The following DCC variants were observed in gnomAD, a reference collection of about 807,000 sequenced individuals.
DCC encodes DCC netrin 1 receptor, also known as netrin receptor DCC.
A neutral mutation model predicts 172.5 loss-of-function variants in DCC; 58 were observed. The ratio of observed to expected loss-of-function variants is 0.34; its 90% CI spans 0.27 to 0.42. DCC has a LOEUF of 0.42. DCC is among the 10% of genes least tolerant of loss of function. The pLI is 1.00. For synonymous variants in DCC, 709 were observed against 644.5 expected (o/e 1.10, Z -1.52); for missense variants, 1,740 against 1,791.0 (o/e 0.97, Z 0.51).
chr18:53,524,894 G>A (rs2046438175), intron 27 of DCC, among the ~76,000 whole-genome samples: 1 of 151,800 alleles, frequency 6.6e-6, no homozygotes, highest in South Asian at 2.1e-4. Context: ...TCTTTATTTT[G>A]GCACCCCCAT....
intron 1 of DCC, among the ~76,000 whole-genome samples, chr18:52,418,065 C>A (rs1987107177): frequency 6.6e-6 from 1 of 152,174 alleles, no homozygotes; most frequent in Non-Finnish European, 1.5e-5. Flanking sequence ...AAATTTTGTT[C>A]TTTAGTTCAC....
intron 1 of DCC, among the ~76,000 whole-genome samples, chr18:52,730,237 G>A (rs2145092674): frequency 6.6e-6 from 1 of 152,244 alleles, no homozygotes; most frequent in South Asian, 2.1e-4. Context: ...CAACTGGAGA[G>A]GGAGAAGGGA....
intron 1 of DCC, among the ~76,000 whole-genome samples, chr18:52,496,349 G>A (rs4940186): frequency 0.057 from 8,724 of 152,042 alleles, 311 homozygotes; most frequent in South Asian, 0.12. Flanking sequence ...CATGAGCATC[G>A]GGACAATGTA....
intron 1 of DCC, among the ~76,000 whole-genome samples, chr18:52,351,824 G>A (rs941934721): frequency 2.0e-5 from 3 of 151,956 alleles, no homozygotes; most frequent in African/African-American, 4.8e-5. Context: ...AAACATAAAC[G>A]AATGTTCTCT....
intron 1 of DCC, among the ~76,000 whole-genome samples, chr18:52,636,133 A>G (rs1048450004): frequency 2.0e-5 from 3 of 152,172 alleles, no homozygotes; most frequent in Admixed American, 2.0e-4. Context: ...CCTGGAGCTG[A>G]GTCAATTAGG....
chr18:52,916,514 T>A (rs534258253), intron 3 of DCC, among the ~76,000 whole-genome samples: 43 of 152,294 alleles, frequency 2.8e-4, no homozygotes, highest in Non-Finnish European at 5.0e-4. Context: ...GTTTCAACAT[T>A]TGGAAGATGT....
At chr18:52,683,432 A>G (rs1252890023) in intron 1 of DCC, among the ~76,000 whole-genome samples, 1 of 152,130 alleles carries the variant, frequency 6.6e-6, no homozygotes, top group East Asian at 1.9e-4. Context: ...CACAGGGACA[A>G]TACGAAGGAA....
At chr18:52,984,762 C>A (rs1398271144) in intron 5 of DCC, among the ~76,000 whole-genome samples, 1 of 152,076 alleles carries the variant, frequency 6.6e-6, no homozygotes, top group Non-Finnish European at 1.5e-5. Flanking sequence ...GAGCTAAGTA[C>A]TATAATTGGA....
chr18:52,821,084 C>T (rs2038397118), intron 2 of DCC, among the ~76,000 whole-genome samples: 1 of 152,170 alleles, frequency 6.6e-6, no homozygotes, highest in Admixed American at 6.5e-5. Context: ...AACTCTAATA[C>T]TCTTTCTTCT....
intron 7 of DCC, among the ~76,000 whole-genome samples, chr18:53,107,797 A>G (rs1466310443): frequency 6.6e-6 from 1 of 151,906 alleles, no homozygotes; most frequent in Non-Finnish European, 1.5e-5. Context: ...CTAGACTTAG[A>G]GGACAATAAT....
chr18:52,770,153 C>A (rs1460256788), intron 2 of DCC, among the ~76,000 whole-genome samples: 4 of 152,198 alleles, frequency 2.6e-5, no homozygotes, highest in Non-Finnish European at 5.9e-5. Context: ...GCCATCCCTT[C>A]TCTCTCTTTT....
At chr18:53,014,440 T>G (rs1338995087) in intron 5 of DCC, among the ~76,000 whole-genome samples, 1 of 20,398 alleles carries the variant, frequency 4.9e-5, no homozygotes, top group South Asian at 2.6e-3. Context: ...CCCTCCCCCC[T>G]CCCCCCACCC....
chr18:52,781,608 C>G (rs1015471343), intron 2 of DCC, among the ~76,000 whole-genome samples: 2 of 151,858 alleles, frequency 1.3e-5, no homozygotes, highest in African/African-American at 4.8e-5. Flanking sequence ...AGTCTGCCAT[C>G]CACTTCATCC....
intron 1 of DCC, among the ~76,000 whole-genome samples, chr18:52,659,894 A>G (rs1020540358): frequency 9.9e-5 from 15 of 152,086 alleles, no homozygotes; most frequent in African/African-American, 3.6e-4. Context: ...TAACATTCAT[A>G]TAGAAAATTA....
intron 1 of DCC, among the ~76,000 whole-genome samples, chr18:52,700,639 G>A (rs1390851299): frequency 1.1e-4 from 17 of 152,080 alleles, no homozygotes; most frequent in Admixed American, 1.1e-3. Context: ...AAGAATATAA[G>A]CTTGCTTCTT....
At chr18:52,745,720 T>C (rs112487339) in intron 1 of DCC, among the ~76,000 whole-genome samples, 64 of 152,334 alleles carry the variant, frequency 4.2e-4, no homozygotes, top group Non-Finnish European at 6.6e-4. Context: ...TACAGTGCTA[T>C]AGAGCATTAG....
chr18:52,631,283 A>G (rs12458923), intron 1 of DCC, among the ~76,000 whole-genome samples: 3,404 of 152,290 alleles, frequency 0.022, 104 homozygotes, highest in Admixed American at 0.077. Flanking sequence ...AGGCTTGACT[A>G]ATAAAAAGAG....
At position 52,453,433 on chromosome 18, in the gene DCC, G is replaced by C. The variant is rs569841821; in HGVS notation, c.91+112555G>C. Reference sequence around the variant, plus strand: ...CTCAATCATCACGCAGGTTGCCCCTGTACCATGCGATGGGCACAATTGGAA... The same window carrying C: ...CTCAATCATCACGCAGGTTGCCCCTCTACCATGCGATGGGCACAATTGGAA... On this transcript the variant is annotated intron_variant, in intron 1 of 28. Transcript: ENST00000442544. Among the ~76,000 whole-genome samples the C allele has an allele frequency of 1.4e-4, 21 of 152,216 alleles. No homozygotes were observed. The East Asian group carries it at 4.1e-3, about 29-fold the overall frequency.
intron 2 of DCC, among the ~76,000 whole-genome samples, chr18:52,825,574 A>G (rs915596870): frequency 6.6e-6 from 1 of 152,200 alleles, no homozygotes; most frequent in Admixed American, 6.5e-5. Flanking sequence ...GTGACAATGG[A>G]TGCAAAAAGT....
Sources: gnomAD v4.1 joint callset for allele counts (sites outside exome capture counted in the v4.1 genomes callset) on GRCh38, gnomAD v4.1.1 for gene constraint, MANE v1.5 for transcripts, NCBI Gene and HGNC (gene_info 2026-07-23, HGNC 2026-07-21) for gene names.